Variants in EML5 observed in about 807,000 individuals in gnomAD.
EML5 encodes EMAP like 5, also known as echinoderm microtubule-associated protein-like 5.
In EML5, 120 loss-of-function variants were observed where a neutral mutation model predicts 250.0. The observed-to-expected ratio is 0.48, with a 90% CI of 0.41 to 0.56. The LOEUF is 0.56. Ranked by LOEUF, EML5 falls within the 20% of genes least tolerant of loss-of-function variation. The pLI, the probability that EML5 is intolerant of heterozygous loss-of-function variation, is 0.00. For missense variants in EML5, 2,006 were observed against 2,437.6 expected, an observed-to-expected ratio of 0.82 and a Z score of 3.73; for synonymous variants, 771 against 806.5, an observed-to-expected ratio of 0.96 and a Z score of 0.75.
chr14:88,788,912 AAT>A (rs1165264286), intron 1 of EML5, among the ~76,000 whole-genome samples: 1 of 150,904 alleles, frequency 6.6e-6, no homozygotes, highest in African/African-American at 2.5e-5. Flanking sequence ...AAAAAAAAAA[AAT>A]AGCCCAGCAT....
chr14:88,696,606 T>C (rs1243624264), intron 15 of EML5, among the ~76,000 whole-genome samples: 1 of 152,202 alleles, frequency 6.6e-6, no homozygotes, highest in Non-Finnish European at 1.5e-5. Flanking sequence ...AACATTTTTA[T>C]GTTAACAGAA....
At chr14:88,692,609 G>A (rs2092986708) in intron 17 of EML5, among the ~76,000 whole-genome samples, 1 of 152,238 alleles carries the variant, frequency 6.6e-6, no homozygotes, top group East Asian at 1.9e-4. Context: ...GGGTATCCTT[G>A]GGGAATCCTG....
intron 41 of EML5, 41 bp downstream of exon 41, chr14:88,618,187 T>C: frequency 1.3e-6 from 2 of 1,571,112 alleles, no homozygotes; most frequent in Non-Finnish European, 1.7e-6. Flanking sequence ...CTAACTGGCC[T>C]TCAAAGTCAG....
intron 14 of EML5, among the ~76,000 whole-genome samples, chr14:88,700,261 C>A (rs1196513694): frequency 6.6e-6 from 1 of 152,062 alleles, no homozygotes; most frequent in Non-Finnish European, 1.5e-5. Context: ...TTTAATTCTC[C>A]AAAAGACAAA....
chr14:88,622,239 ATTGT>A (rs1043636071), intron 37 of EML5: 3 of 177,228 alleles, frequency 1.7e-5, no homozygotes, highest in Non-Finnish European at 3.6e-5. Context: ...GTAGTATTTC[ATTGT>A]TTGTTTACTG....
At chr14:88,776,367 A>G (rs2094447088) in intron 1 of EML5, among the ~76,000 whole-genome samples, 2 of 152,188 alleles carry the variant, frequency 1.3e-5, no homozygotes, top group Non-Finnish European at 2.9e-5. Flanking sequence ...GAAATTGAAG[A>G]TAACACAGAG....
intron 23 of EML5, among the ~76,000 whole-genome samples, chr14:88,663,423 T>C (rs931394459): frequency 6.6e-6 from 1 of 152,150 alleles, no homozygotes; most frequent in Admixed American, 6.5e-5. Context: ...TGTTTAACTA[T>C]ATTTAGAAAA....
intron 37 of EML5, chr14:88,621,791 A>G (rs2089001693): frequency 5.4e-6 from 2 of 367,536 alleles, no homozygotes; most frequent in African/African-American, 2.1e-5. Flanking sequence ...TTATTTTGAA[A>G]TTGACACATA....
intron 20 of EML5, among the ~76,000 whole-genome samples, chr14:88,683,246 T>C (rs2092755337): frequency 6.6e-6 from 1 of 152,158 alleles, no homozygotes; most frequent in Admixed American, 6.5e-5. Context: ...AGAGAACCAG[T>C]AAACTCGCAG....
Position 88,704,982 on chromosome 14 carries a change from T to A in EML5, c.1933-4A>T. ...GAGGTAGATCTTCTTTGTAAACCTT[T>A]AAAAATGTATACAAGTAGAAATATT... On this transcript the variant is annotated splice_region_variant and splice_polypyrimidine_tract_variant and intron_variant, in intron 12 of 43. Coordinates refer to ENST00000554922, the MANE Select transcript of EML5 (RefSeq NM_183387.3). 1 of 1,568,664 alleles carries A rather than the reference T, an allele frequency of 6.4e-7. No homozygotes were observed. The highest frequency in any genetic ancestry group is 8.8e-7 in the Non-Finnish European group (1 of 1,142,320).
At chr14:88,638,754 T>A (rs2090885230) in intron 32 of EML5, 55 bp downstream of exon 32, 1 of 1,419,542 alleles carries the variant, frequency 7.0e-7, no homozygotes, top group Non-Finnish European at 9.6e-7. Context: ...ATATTGAATT[T>A]ATTTGAACAA....
intron 10 of EML5, among the ~76,000 whole-genome samples, chr14:88,710,416 A>C (rs916895662): frequency 3.3e-5 from 5 of 152,208 alleles, no homozygotes; most frequent in African/African-American, 9.6e-5. Flanking sequence ...ATATTACCTG[A>C]GTGGATATCT....
intron 4 of EML5, among the ~76,000 whole-genome samples, chr14:88,742,119 T>C (rs2093933432): frequency 6.6e-6 from 1 of 152,164 alleles, no homozygotes; most frequent in Non-Finnish European, 1.5e-5. Context: ...CCAATTGAGA[T>C]GAACTGAGAC....
intron 13 of EML5, among the ~76,000 whole-genome samples, chr14:88,704,347 C>G (rs930941466): frequency 1.3e-5 from 2 of 152,172 alleles, no homozygotes; most frequent in Non-Finnish European, 2.9e-5. Flanking sequence ...TGAGGCTTCA[C>G]CAGAAGCTGA....
At chr14:88,709,370 A>C (rs1434254038) in intron 10 of EML5, among the ~76,000 whole-genome samples, 3 of 150,106 alleles carry the variant, frequency 2.0e-5, no homozygotes, top group Non-Finnish European at 4.4e-5. Context: ...AAGCATTTGT[A>C]TTATTAGAGT....
At chr14:88,685,832 T>A (rs1055725101) in intron 19 of EML5, among the ~76,000 whole-genome samples, 1 of 152,236 alleles carries the variant, frequency 6.6e-6, no homozygotes, top group African/African-American at 2.4e-5. Context: ...ACTGTATTTT[T>A]AATTTATATT....
At chr14:88,760,746 A>T (rs779160719) in intron 1 of EML5, among the ~76,000 whole-genome samples, 1 of 152,204 alleles carries the variant, frequency 6.6e-6, no homozygotes, top group Non-Finnish European at 1.5e-5. Context: ...AACTTTGAAG[A>T]GAAGTGACAT....
chr14:88,696,164 A>AATATAT (rs10551487), intron 15 of EML5, among the ~76,000 whole-genome samples: 46 of 147,440 alleles, frequency 3.1e-4, no homozygotes, highest in South Asian at 6.5e-4. Flanking sequence ...CAACTCTTTG[A>AATATAT]ATATATATAT....
chr14:88,694,233 G>T (rs141184293), intron 17 of EML5, 74 bp downstream of exon 17: 5 of 996,086 alleles, frequency 5.0e-6, no homozygotes, highest in South Asian at 2.8e-5. Context: ...GGTACACACT[G>T]CACTTAGCTA....
Sources: allele counts gnomAD v4.1 joint callset (sites outside exome capture counted in the v4.1 genomes callset), GRCh38; gene constraint gnomAD v4.1.1; transcripts MANE v1.5; gene names NCBI Gene and HGNC (gene_info 2026-07-23, HGNC 2026-07-21).